RBMS3: variants seen among roughly 807,000 people sequenced by gnomAD.
The protein encoded by RBMS3 is RNA-binding motif, single-stranded-interacting protein 3.
Under a neutral mutation model 66.8 loss-of-function variants are expected in RBMS3, and 27 were observed. The ratio of observed to expected loss-of-function variants is 0.40; its 90% CI spans 0.30 to 0.56. The LOEUF is 0.56. Ranked by LOEUF, RBMS3 falls within the 20% of genes least tolerant of loss-of-function variation. RBMS3 has a pLI of 0.40. For missense variants in RBMS3, 513 were observed against 549.5 expected (o/e 0.93, Z 0.66); for synonymous variants, 188 against 183.0 (o/e 1.03, Z -0.22).
chr3:29,423,617 A>G (rs1318707228), intron 1 of RBMS3, among the ~76,000 whole-genome samples: 1 of 152,206 alleles, frequency 6.6e-6, no homozygotes, highest in Non-Finnish European at 1.5e-5. Flanking sequence ...AGAATGATAT[A>G]TATTAGCATT....
intron 6 of RBMS3, among the ~76,000 whole-genome samples, chr3:29,847,000 G>T (rs775343082): frequency 5.9e-5 from 9 of 152,102 alleles, no homozygotes; most frequent in Non-Finnish European, 1.2e-4. Flanking sequence ...ATAGTACCCA[G>T]GAAGAAGTCA....
chr3:29,653,928 C>T (rs1018413294), intron 4 of RBMS3, among the ~76,000 whole-genome samples: 27 of 152,264 alleles, frequency 1.8e-4, no homozygotes, highest in African/African-American at 5.8e-4. Flanking sequence ...CCCTGTTTTC[C>T]GTGTCTTCAT....
chr3:29,434,619 G>A (rs2125724640), intron 1 of RBMS3, 124 bp from the exon 2 acceptor site: 1 of 1,280,886 alleles, frequency 7.8e-7, no homozygotes, highest in Non-Finnish European at 1.1e-6. Context: ...ATATAAATGT[G>A]TGTGTGTATG....
intron 14 of RBMS3, among the ~76,000 whole-genome samples, chr3:29,992,745 T>C (rs1007260830): frequency 6.6e-6 from 1 of 152,170 alleles, no homozygotes; most frequent in Non-Finnish European, 1.5e-5. Flanking sequence ...ACTGCTAACC[T>C]AAATTGACAG....
intron 4 of RBMS3, among the ~76,000 whole-genome samples, chr3:29,631,393 C>T (rs2049276223): frequency 6.6e-6 from 1 of 151,830 alleles, no homozygotes; most frequent in South Asian, 2.1e-4. Context: ...GGGTCTCAGT[C>T]AGATAAAGCA....
intron 10 of RBMS3, among the ~76,000 whole-genome samples, chr3:29,900,517 TC>T (rs1190752162): frequency 6.6e-6 from 1 of 151,756 alleles, no homozygotes; most frequent in African/African-American, 2.4e-5. Context: ...TTTGCCTAAG[TC>T]TTCCAGGGTT....
In RBMS3 at chr3:29,281,485, T is replaced by TTTCCTTTGG; in HGVS notation, c.-196_-195insTCCTTTGGT. Reference sequence around the variant, plus strand: ...ATCTCACTCCTCGCCCTTTTTTTTTTTCCTTTGGTGTGTGTTTTTTGTTTT... The same window carrying TTTCCTTTGG: ...ATCTCACTCCTCGCCCTTTTTTTTTTTTCCTTTGGTCCTTTGGTGTGTGTTTTTTGTTTT... On this transcript the variant is annotated 5_prime_UTR_variant, in exon 1 of 15. Transcript: ENST00000383767. 1.8e-6 allele frequency: 1 copy of TTTCCTTTGG among 568,766 alleles called. No individual in the cohort carries two copies. The highest frequency in any genetic ancestry group is 3.1e-6 in the Non-Finnish European group (1 of 324,274). The allele number at this position is 568,766 out of a possible 1,614,324, so 35.2% of individuals were successfully genotyped here.
intron 6 of RBMS3, among the ~76,000 whole-genome samples, chr3:29,794,803 C>T (rs912910842): frequency 1.4e-4 from 21 of 152,056 alleles, no homozygotes; most frequent in Admixed American, 1.2e-3. Context: ...GTCATGTGCC[C>T]GGTACACAGC....
chr3:29,420,806 T>C (rs1250808859), intron 1 of RBMS3, among the ~76,000 whole-genome samples: 3 of 151,998 alleles, frequency 2.0e-5, no homozygotes, highest in Non-Finnish European at 4.4e-5. Flanking sequence ...GATTGTACTT[T>C]AGAAAAGGCT....
chr3:29,539,543 A>T (rs1248301126), intron 3 of RBMS3, among the ~76,000 whole-genome samples: 2 of 152,194 alleles, frequency 1.3e-5, no homozygotes, highest in Non-Finnish European at 2.9e-5. Flanking sequence ...AGATCAGATA[A>T]CTAAGCTAAC....
At chr3:29,903,808 C>G (rs904189201) in intron 10 of RBMS3, among the ~76,000 whole-genome samples, 2 of 151,756 alleles carry the variant, frequency 1.3e-5, no homozygotes, top group Non-Finnish European at 2.9e-5. Flanking sequence ...GCAAGATGCC[C>G]TTATTGAATC....
chr3:29,464,626 T>C (rs1227048286), intron 2 of RBMS3, among the ~76,000 whole-genome samples: 1 of 152,142 alleles, frequency 6.6e-6, no homozygotes, highest in Admixed American at 6.5e-5. Context: ...ATCAAAGAAA[T>C]ATTTGGCAGA....
intron 2 of RBMS3, among the ~76,000 whole-genome samples, chr3:29,481,082 A>G (rs6807557): frequency 0.6 from 91,786 of 152,026 alleles, 28,160 homozygotes; most frequent in Admixed American, 0.69. Context: ...CCCTGTGGCT[A>G]GCTCAGTGTC....
At chr3:29,441,262 C>T (rs914658585) in intron 2 of RBMS3, among the ~76,000 whole-genome samples, 16 of 152,084 alleles carry the variant, frequency 1.1e-4, no homozygotes, top group Non-Finnish European at 1.8e-4. Context: ...CAATGGGTTA[C>T]GTATATTCAT....
At chr3:29,691,356 T>C (rs977002578) in intron 4 of RBMS3, among the ~76,000 whole-genome samples, 1 of 152,218 alleles carries the variant, frequency 6.6e-6, no homozygotes, top group Non-Finnish European at 1.5e-5. Flanking sequence ...ACCCTTGACC[T>C]GAGGAATAAC....
At chr3:29,471,064 A>T (rs1342680946) in intron 2 of RBMS3, among the ~76,000 whole-genome samples, 2 of 152,210 alleles carry the variant, frequency 1.3e-5, no homozygotes, top group Non-Finnish European at 2.9e-5. Flanking sequence ...AGGTATGGAA[A>T]GTGTTAACGC....
intron 12 of RBMS3, among the ~76,000 whole-genome samples, chr3:29,987,459 A>G (rs907204774): frequency 6.6e-6 from 1 of 152,208 alleles, no homozygotes; most frequent in African/African-American, 2.4e-5. Flanking sequence ...GCAAAAAATG[A>G]TTTGGCTTCA....
intron 4 of RBMS3, among the ~76,000 whole-genome samples, chr3:29,687,307 A>T (rs957897338): frequency 6.6e-6 from 1 of 152,240 alleles, no homozygotes; most frequent in Non-Finnish European, 1.5e-5. Context: ...TATAGCTTAT[A>T]TCTCTGATGT....
At chr3:29,650,636 C>T (rs1483578520) in intron 4 of RBMS3, among the ~76,000 whole-genome samples, 1 of 152,088 alleles carries the variant, frequency 6.6e-6, no homozygotes, top group African/African-American at 2.4e-5. Flanking sequence ...TTCATTGTGG[C>T]AGCCAAAGTG....
Sources: allele counts gnomAD v4.1 joint callset (sites outside exome capture counted in the v4.1 genomes callset), GRCh38; gene constraint gnomAD v4.1.1; transcripts MANE v1.5; gene names NCBI Gene and HGNC (gene_info 2026-07-23, HGNC 2026-07-21).